FOXP4: variants seen among roughly 807,000 people sequenced by gnomAD.
FOXP4 encodes the protein forkhead box P4, also known as forkhead box protein P4.
FOXP4 carries 25 observed loss-of-function variants against 82.6 expected under a neutral mutation model. The ratio of observed to expected loss-of-function variants is 0.30; its 90% CI spans 0.22 to 0.42. The LOEUF (loss-of-function observed/expected upper bound fraction) is 0.42, where lower values mean the gene tolerates loss of function less well. Ranked by LOEUF, FOXP4 falls within the 10% of genes least tolerant of loss-of-function variation. The pLI, the probability that FOXP4 is intolerant of heterozygous loss-of-function variation, is 1.00. For missense variants in FOXP4, 785 were observed against 900.9 expected, an observed-to-expected ratio of 0.87 and a Z score of 1.65; for synonymous variants, 415 against 388.2, an observed-to-expected ratio of 1.07 and a Z score of -0.81.
rs1180440650 is a variant in FOXP4 at position 41,597,789 on chromosome 6, G to A, written c.1734G>A (p.Leu578=). The A allele has an allele frequency of 1.9e-6, 3 of 1,606,910 alleles. 1 individual carries two copies. Among genetic ancestry groups the A allele is most frequent in the South Asian group, 2.2e-5 (2 of 90,518 alleles). The part of the protein sequence containing the change: ...GALNASYQAA[L]AESSFPLLNS... Reference sequence around the variant, plus strand: ...ACCCTGTGCCCCTGCAGGCCGCCCTGGCCGAGAGCAGCTTCCCCCTCCTCA... The same window carrying A: ...ACCCTGTGCCCCTGCAGGCCGCCCTAGCCGAGAGCAGCTTCCCCCTCCTCA... Residue 578 remains leucine, a synonymous_variant, in exon 16 of 17, where the codon CTG becomes CTA. Coordinates refer to ENST00000307972, the MANE Select transcript of FOXP4 (RefSeq NM_001012426.2).
chr6:41,600,303 C>A lies in FOXP4; in HGVS notation c.*1367C>A, dbSNP rs868847824. 6.5e-6 allele frequency: 1 copy of A among 152,682 alleles called. No individual in the cohort carries two copies. Among genetic ancestry groups the A allele is most frequent in the African/African-American group, 2.4e-5 (1 of 41,466 alleles). The allele number at this position is 152,682 out of a possible 1,614,324, so 9.5% of individuals were successfully genotyped here. ...GCTGCTTCCTGGGGGCTCTCCAGACCCCTCTCTAGGACCAAGTCACCCGTC... is the reference window on the plus strand; with the variant it reads ...GCTGCTTCCTGGGGGCTCTCCAGACACCTCTCTAGGACCAAGTCACCCGTC... On this transcript the variant is annotated 3_prime_UTR_variant, in exon 17 of 17. Coordinates refer to ENST00000307972, the MANE Select transcript of FOXP4 (RefSeq NM_001012426.2).
At chr6:41,560,164 G>A (rs1389871305) in intron 1 of FOXP4, among the ~76,000 whole-genome samples, 3 of 150,434 alleles carry the variant, frequency 2.0e-5, no homozygotes, top group South Asian at 4.1e-4. Context: ...CAGGTGCAGT[G>A]TCTCAGGCCA....
At chr6:41,587,231 G>T in intron 6 of FOXP4, 68 bp from the exon 7 acceptor site, 1 of 1,608,304 alleles carries the variant, frequency 6.2e-7, no homozygotes. Flanking sequence ...GGCAGCCCCT[G>T]TTCTTGGGGC....
Position 41,565,834 on chromosome 6 carries a change from G to A in FOXP4, c.74G>A (p.Gly25Glu). The change falls in exon 2 of 17, where the codon GGG becomes GAG. Residue 25 changes from glycine (G) to glutamate (E), a missense_variant. This residue lies in a region of FOXP4 where 570 missense variants were observed against 634.0 expected (regional missense o/e 0.90). Coordinates refer to ENST00000307972, the MANE Select transcript of FOXP4 (RefSeq NM_001012426.2). ...SGQNGVGSLS[G>E]QADGSSGGAT... ...CAGAATGGCGTGGGCAGCCTCTCTG[G>A]GCAAGCCGATGGCAGCAGCGGCGGG... is the stretch of plus-strand genomic sequence containing the variant. 1.2e-6 allele frequency: 2 copies of A among 1,613,950 alleles called. No homozygotes were observed. Among genetic ancestry groups the A allele is most frequent in the Non-Finnish European group, 8.5e-7 (1 of 1,180,020 alleles).
chr6:41,557,309 A>T (rs1026981200), intron 1 of FOXP4, among the ~76,000 whole-genome samples: 2 of 152,230 alleles, frequency 1.3e-5, no homozygotes, highest in African/African-American at 4.8e-5. Flanking sequence ...ACTGGGCAAA[A>T]TTGGTATGAA....
chr6:41,569,424 C>T (rs80048926), intron 2 of FOXP4, among the ~76,000 whole-genome samples: 151 of 152,346 alleles, frequency 9.9e-4, no homozygotes, highest in African/African-American at 3.5e-3. Flanking sequence ...CTCTTTTCTT[C>T]GAAAGTTGCC....
rs1436079918 is a variant in FOXP4 at position 41,589,721 on chromosome 6, C to G, written c.1066-50C>G. 3.8e-6 allele frequency: 6 copies of G among 1,573,890 alleles called. No homozygotes were observed. The East Asian group carries it at 1.3e-4, about 35-fold the overall frequency. On this transcript the variant is annotated intron_variant, in intron 9 of 16. Transcript: ENST00000307972. ...GCGGTGGAGGGGTGGGACAACACTG[C>G]CTCCAGGGTTCAGCCTCCCGCTCAC...
Position 41,548,062 on chromosome 6 carries a change from C to T in FOXP4, c.-17+1195C>T, listed in dbSNP as rs191646375. Among the ~76,000 whole-genome samples, 65 of 152,346 alleles carry T rather than the reference C, an allele frequency of 4.3e-4. 2 individuals are homozygous for T. In the East Asian group the frequency reaches 8.5e-3, roughly 20 times the overall value. On this transcript the variant is annotated intron_variant, in intron 1 of 16. Transcript: ENST00000307972. Reference sequence around the variant, plus strand: ...TCTCGTGAACACACCTGCGTCCCACCCCGATCCTAGGTTGGGGGGAAAGGG... The same window carrying T: ...TCTCGTGAACACACCTGCGTCCCACTCCGATCCTAGGTTGGGGGGAAAGGG...
At position 41,597,815 on chromosome 6, in the gene FOXP4, A is replaced by G. The variant is rs759477239; in HGVS notation, c.1760A>G (p.Asn587Ser). The G allele has an allele frequency of 3.1e-6, 5 of 1,607,380 alleles. No individual in the cohort carries two copies. Among genetic ancestry groups the G allele is most frequent in the African/African-American group, 1.3e-5 (1 of 74,872 alleles). Residue 587 changes from asparagine to serine, a missense_variant, in exon 16 of 17, where the codon AAC (asparagine) becomes AGC (serine). Physicochemically the swap from Asn to Ser is conservative, Grantham distance 46 (BLOSUM62 1). Transcript: ENST00000307972. ...ALAESSFPLLNSPGMLNPGSA... is the reference protein window; with the variant it reads ...ALAESSFPLLSSPGMLNPGSA... ...GCCGAGAGCAGCTTCCCCCTCCTCA[A>G]CAGCCCTGGCATGCTGAACCCTGGC...
At chr6:41,572,793 C>T (rs1423034075) in intron 2 of FOXP4, among the ~76,000 whole-genome samples, 4 of 152,160 alleles carry the variant, frequency 2.6e-5, no homozygotes, top group Admixed American at 2.6e-4. Context: ...CCTGCCCAGC[C>T]AGCGCTTGGT....
Position 41,598,858 on chromosome 6 carries a change from C to A in FOXP4, c.1965C>A (p.Gly655=). ...EEDRQPGPPL[G]APNPSASGPP... ...ACAGGCAGCCCGGGCCTCCCCTGGG[C>A]GCCCCTAACCCCAGCGCCTCGGGGC... is the stretch of plus-strand genomic sequence containing the variant. Residue 655 remains glycine (G), a synonymous_variant, in exon 17 of 17, where the codon GGC becomes GGA. Transcript: ENST00000307972. 6.3e-7 allele frequency: 1 copy of A among 1,592,032 alleles called. No homozygotes were observed. The highest frequency in any genetic ancestry group is 8.5e-7 in the Non-Finnish European group (1 of 1,170,914).
Position 41,585,425 on chromosome 6 carries a change from C to A in FOXP4, c.424-6C>A, listed in dbSNP as rs184723671. The A allele has an allele frequency of 6.3e-5, 101 of 1,613,452 alleles. No individual in the cohort carries two copies. The Admixed American group carries it at 1.1e-3, about 17-fold the overall frequency. On this transcript the variant is annotated splice_polypyrimidine_tract_variant and splice_region_variant and intron_variant, in intron 4 of 16. Coordinates refer to ENST00000307972, the MANE Select transcript of FOXP4 (RefSeq NM_001012426.2). ...TGCCAGTGGTAACCCTCCTCCACCC[C>A]CCCAGCTACAGGAGTACTACAAGAA...
chr6:41,564,419 A>T (rs1764760811), intron 1 of FOXP4, among the ~76,000 whole-genome samples: 1 of 152,206 alleles, frequency 6.6e-6, no homozygotes, highest in Non-Finnish European at 1.5e-5. Context: ...ACTCTGTCTC[A>T]AAAAGATAAA....
intron 14 of FOXP4, among the ~76,000 whole-genome samples, chr6:41,595,813 A>G (rs1406109720): frequency 2.0e-5 from 3 of 152,174 alleles, no homozygotes; most frequent in Non-Finnish European, 4.4e-5. Flanking sequence ...CACGTTGGTC[A>G]GGCTGGTCTC....
intron 1 of FOXP4, among the ~76,000 whole-genome samples, chr6:41,563,980 A>T (rs896828126): frequency 2.6e-5 from 4 of 152,186 alleles, no homozygotes; most frequent in African/African-American, 9.6e-5. Context: ...GCCAAGAAAC[A>T]TTGTCCTACC....
intron 2 of FOXP4, among the ~76,000 whole-genome samples, chr6:41,576,102 G>A (rs796536699): frequency 6.6e-6 from 1 of 151,016 alleles, no homozygotes; most frequent in Admixed American, 6.6e-5. Context: ...ACTTAGAAAG[G>A]TCAGATTTCT....
At chr6:41,550,037 C>G (rs1217265312) in intron 1 of FOXP4, among the ~76,000 whole-genome samples, 2 of 152,184 alleles carry the variant, frequency 1.3e-5, no homozygotes, top group Non-Finnish European at 2.9e-5. Context: ...TCCAGCTTCC[C>G]TAGACCAAGG....
intron 1 of FOXP4, among the ~76,000 whole-genome samples, chr6:41,557,398 A>G (rs962453263): frequency 1.3e-5 from 2 of 152,206 alleles, no homozygotes; most frequent in African/African-American, 4.8e-5. Flanking sequence ...CATGTATCCT[A>G]TGCAACTAGT....
chr6:41,589,189 G>A (rs371332772), intron 9 of FOXP4, among the ~76,000 whole-genome samples: 1 of 152,214 alleles, frequency 6.6e-6, no homozygotes, highest in East Asian at 1.9e-4. Flanking sequence ...AGGCAGCCTG[G>A]CTTTCCCAAG....
Sources: gnomAD v4.1 joint callset for allele counts (sites outside exome capture counted in the v4.1 genomes callset) on GRCh38, gnomAD v4.1.1 for gene constraint, gnomAD v4.1.1 regional missense constraint, MANE v1.5 for transcripts, NCBI Gene and HGNC (gene_info 2026-07-23, HGNC 2026-07-21) for gene names.